The following DNAH9 variants were observed in gnomAD, a reference collection of about 807,000 sequenced individuals.
DNAH9 encodes the protein dynein axonemal heavy chain 9, also known as DNAH9 variant protein.
A neutral mutation model predicts 471.6 loss-of-function variants in DNAH9; 345 were observed. The ratio of observed to expected loss-of-function variants is 0.73; its 90% CI spans 0.67 to 0.80. The LOEUF (loss-of-function observed/expected upper bound fraction) is 0.80. Ranked by LOEUF, DNAH9 falls within the 30% of genes least tolerant of loss-of-function variation. The pLI, the probability that DNAH9 is intolerant of heterozygous loss-of-function variation, is 0.00. For missense variants in DNAH9, 5,407 were observed against 5,609.2 expected, an observed-to-expected ratio of 0.96 and a Z score of 1.15; for synonymous variants, 2,093 against 2,123.6, an observed-to-expected ratio of 0.99 and a Z score of 0.40.
rs1286198402 is a variant in DNAH9 at position 11,843,857 on chromosome 17, GTGTGTGTATATATATA to G, written c.9507+8961_9507+8976del. Among the ~76,000 whole-genome samples, 74 of 9,320 alleles carry G rather than the reference GTGTGTGTATATATATA, an allele frequency of 7.9e-3. 1 individual carries two copies. The highest frequency in any genetic ancestry group is 0.019 in the African/African-American group (69 of 3,540). 6.1% of individuals were successfully genotyped at this position (9,320 alleles called of 152,430 possible). ...TATATGTGTTTGTGTGTGTGTGTGT[GTGTGTGTATATATATA>G]TATATATATATATATATACACATAG... On this transcript the variant is annotated intron_variant, in intron 49 of 68. Coordinates refer to ENST00000262442, the MANE Select transcript of DNAH9 (RefSeq NM_001372.4).
intron 67 of DNAH9, among the ~76,000 whole-genome samples, chr17:11,960,185 C>T (rs760699109): frequency 3.0e-4 from 46 of 152,162 alleles, no homozygotes; most frequent in Non-Finnish European, 5.6e-4. Context: ...CCTGTAATCC[C>T]AGCATTTTGG....
At chr17:11,604,210 A>G (rs916896247) in intron 1 of DNAH9, among the ~76,000 whole-genome samples, 4 of 151,782 alleles carry the variant, frequency 2.6e-5, no homozygotes, top group African/African-American at 4.8e-5. Context: ...TTTAGTAGAG[A>G]TGGGGTTTCT....
At chr17:11,714,163 A>G (rs2074920078) in intron 26 of DNAH9, among the ~76,000 whole-genome samples, 2 of 152,210 alleles carry the variant, frequency 1.3e-5, no homozygotes, top group Non-Finnish European at 2.9e-5. Flanking sequence ...GGAAATTTCT[A>G]TTAATGCGAT....
intron 67 of DNAH9, among the ~76,000 whole-genome samples, chr17:11,952,608 T>C (rs1975428143): frequency 6.6e-6 from 1 of 152,180 alleles, no homozygotes; most frequent in Non-Finnish European, 1.5e-5. Flanking sequence ...ATTTGCCTTG[T>C]AGCTGTGTTT....
chr17:11,871,503 T>G, intron 51 of DNAH9, 95 bp from the exon 52 acceptor site: 1 of 1,094,534 alleles, frequency 9.1e-7, no homozygotes. Flanking sequence ...CTTCCCGCTA[T>G]GAAGCGTGCA....
intron 68 of DNAH9, among the ~76,000 whole-genome samples, chr17:11,963,890 C>CA (rs1976463461): frequency 1.3e-5 from 2 of 152,062 alleles, no homozygotes; most frequent in Admixed American, 1.3e-4. Context: ...CCTATGAAGA[C>CA]AGAGGCAGAA....
rs564041220 is a variant in DNAH9 at position 11,856,432 on chromosome 17, G to A, written c.9933+2004G>A. 1.1e-4 allele frequency among the ~76,000 whole-genome samples: 16 copies of A among 152,196 alleles called. No homozygotes were observed. The South Asian group carries it at 3.3e-3, about 32-fold the overall frequency. ...AAGATACTTTGGGCCGGGTGCAGTGGCTCATGCCTGTAATCCCAGCACTTT... is the reference window on the plus strand; with the variant it reads ...AAGATACTTTGGGCCGGGTGCAGTGACTCATGCCTGTAATCCCAGCACTTT... On this transcript the variant is annotated intron_variant, in intron 50 of 68. Transcript: ENST00000262442.
At chr17:11,868,113 A>G (rs1231138388) in intron 50 of DNAH9, among the ~76,000 whole-genome samples, 2 of 152,180 alleles carry the variant, frequency 1.3e-5, no homozygotes, top group Middle Eastern at 3.4e-3. Context: ...TCACCCTCCA[A>G]ATGGCCCTCA....
At position 11,632,673 on chromosome 17, in the gene DNAH9, T is replaced by C; in HGVS notation, c.1605T>C (p.Asp535=). Residue 535 remains aspartate, a synonymous_variant, in exon 8 of 69, where the codon GAT becomes GAC. Coordinates refer to ENST00000262442, the MANE Select transcript of DNAH9 (RefSeq NM_001372.4). ...GGACTATCTTTATTCAAGCTTTTGATGATGCACCTGGCTTGGAGCATGCCT... is the reference window on the plus strand; with the variant it reads ...GGACTATCTTTATTCAAGCTTTTGACGATGCACCTGGCTTGGAGCATGCCT... ...RLGTIFIQAF[D]DAPGLEHAFK... The C allele has an allele frequency of 6.2e-7, 1 of 1,605,180 alleles. No individual in the cohort carries two copies. The highest frequency in any genetic ancestry group is 8.5e-7 in the Non-Finnish European group (1 of 1,171,862).
intron 56 of DNAH9, among the ~76,000 whole-genome samples, chr17:11,885,080 G>A (rs1281789094): frequency 6.6e-6 from 1 of 152,032 alleles, no homozygotes; most frequent in Admixed American, 6.6e-5. Flanking sequence ...CTTACTTGAA[G>A]GCCACTGTAT....
At chr17:11,838,084 C>T (rs185442332) in intron 49 of DNAH9, among the ~76,000 whole-genome samples, 1 of 152,242 alleles carries the variant, frequency 6.6e-6, no homozygotes, top group Non-Finnish European at 1.5e-5. Flanking sequence ...TATTCATGTG[C>T]ATACTGAATG....
Position 11,905,781 on chromosome 17 carries a change from G to A in DNAH9, c.11721G>A (p.Val3907=). Residue 3907 remains valine (V), a synonymous_variant, in exon 61 of 69, where the codon GTG becomes GTA. Transcript: ENST00000262442. ...TPMFFILSPG[V]DPLKDVESQG... Reference sequence around the variant, plus strand: ...TGTTTTTCATCCTGTCTCCAGGGGTGGACCCACTGAAGGATGTAGAAAGTC... The same window carrying A: ...TGTTTTTCATCCTGTCTCCAGGGGTAGACCCACTGAAGGATGTAGAAAGTC... 6.2e-7 allele frequency: 1 copy of A among 1,612,644 alleles called. No homozygotes were observed. The highest frequency in any genetic ancestry group is 8.5e-7 in the Non-Finnish European group (1 of 1,179,246).
At chr17:11,836,205 T>G (rs1293306424) in intron 49 of DNAH9, among the ~76,000 whole-genome samples, 1 of 152,178 alleles carries the variant, frequency 6.6e-6, no homozygotes, top group Non-Finnish European at 1.5e-5. Context: ...GAGTAAAGGG[T>G]TGAAAAGTCA....
At chr17:11,863,555 T>G (rs1971935517) in intron 50 of DNAH9, among the ~76,000 whole-genome samples, 1 of 152,114 alleles carries the variant, frequency 6.6e-6, no homozygotes, top group African/African-American at 2.4e-5. Flanking sequence ...TAGGGAGGAT[T>G]CCCTCTTTTT....
chr17:11,774,529 G>A (rs181655475), intron 38 of DNAH9, among the ~76,000 whole-genome samples: 1 of 152,214 alleles, frequency 6.6e-6, no homozygotes, highest in Non-Finnish European at 1.5e-5. Flanking sequence ...CGTGTGTGTG[G>A]GGGAACTGCC....
intron 38 of DNAH9, among the ~76,000 whole-genome samples, chr17:11,771,794 A>C (rs73975094): frequency 0.016 from 2,486 of 152,234 alleles, 71 homozygotes; most frequent in African/African-American, 0.057. Flanking sequence ...ACTACTAATA[A>C]TAATAATAAT....
At chr17:11,733,953 C>G (rs116405931) in intron 28 of DNAH9, among the ~76,000 whole-genome samples, 1,767 of 151,794 alleles carry the variant, frequency 0.012, 36 homozygotes, top group African/African-American at 0.041. Context: ...TTGCAAGGAC[C>G]ATAGAGGCTG....
chr17:11,758,566 C>G (rs993595607), intron 35 of DNAH9, among the ~76,000 whole-genome samples: 3 of 152,258 alleles, frequency 2.0e-5, no homozygotes, highest in Middle Eastern at 3.4e-3. Flanking sequence ...TGATCCCTGC[C>G]TCTTTCTTCC....
rs59068077 is a variant in DNAH9, at chr17:11,883,001, C to T, written c.10807-585C>T. The T allele has an allele frequency of 2.4e-3, 2,389 of 985,606 alleles. 44 individuals are homozygous for T. In the African/African-American group the frequency reaches 0.038, roughly 16 times the overall value. The allele number at this position is 985,606 out of a possible 1,614,324, so 61.1% of individuals were successfully genotyped here. On this transcript the variant is annotated intron_variant, in intron 55 of 68. Coordinates refer to ENST00000262442, the MANE Select transcript of DNAH9 (RefSeq NM_001372.4). ...TCCAAAGGCTGTACAAGGGCAAAGACACTACAGCTGCCTGAAGTTAGTGCT... is the reference window on the plus strand; with the variant it reads ...TCCAAAGGCTGTACAAGGGCAAAGATACTACAGCTGCCTGAAGTTAGTGCT...
Sources: allele counts gnomAD v4.1 joint callset (sites outside exome capture counted in the v4.1 genomes callset), GRCh38; gene constraint gnomAD v4.1.1; transcripts MANE v1.5; gene names NCBI Gene and HGNC (gene_info 2026-07-23, HGNC 2026-07-21).